The following ESRP1 variants were observed in gnomAD, a reference collection of about 807,000 sequenced individuals.
The protein encoded by ESRP1 is epithelial splicing regulatory protein 1.
Under a neutral mutation model 81.7 loss-of-function variants are expected in ESRP1, and 33 were observed. That is an observed-to-expected ratio of 0.40 (90% CI 0.31 to 0.54). ESRP1 has a LOEUF of 0.54. ESRP1 is among the 20% of genes least tolerant of loss of function. The pLI is 0.41. For synonymous variants in ESRP1, 320 were observed against 303.3 expected (o/e 1.06, Z -0.57); for missense variants, 672 against 833.1 (o/e 0.81, Z 2.38).
chr8:94,644,885 AATGT>A (rs1817768377), intron 3 of ESRP1, among the ~76,000 whole-genome samples: 2 of 152,220 alleles, frequency 1.3e-5, no homozygotes, highest in African/African-American at 4.8e-5. Flanking sequence ...CTCTAACATG[AATGT>A]ATTTGGATAT....
At chr8:94,643,609 A>G (rs1817716947) in intron 3 of ESRP1, among the ~76,000 whole-genome samples, 193 bp downstream of exon 3, 1 of 152,246 alleles carries the variant, frequency 6.6e-6, no homozygotes, top group Non-Finnish European at 1.5e-5. Context: ...GTTGCAAAAT[A>G]TGTTAATGTA....
At chr8:94,656,527 G>A (rs1265130734) in intron 4 of ESRP1, among the ~76,000 whole-genome samples, 1 of 152,126 alleles carries the variant, frequency 6.6e-6, no homozygotes, top group Non-Finnish European at 1.5e-5. Context: ...GGCCCATAAA[G>A]GTAACTCTTT....
chr8:94,641,719 G>C (rs140932911), intron 1 of ESRP1: 34 of 684,086 alleles, frequency 5.0e-5, no homozygotes, highest in Non-Finnish European at 7.3e-5. Context: ...GCTCCGCCGA[G>C]ACGAGGTGGG....
At chr8:94,643,230 C>T (rs1165018962) in intron 2 of ESRP1, 73 bp from the exon 3 acceptor site, 6 of 1,057,736 alleles carry the variant, frequency 5.7e-6, no homozygotes, top group Non-Finnish European at 8.7e-6. Flanking sequence ...CTGGCTATCA[C>T]CAAGGGGAGC....
intron 4 of ESRP1, among the ~76,000 whole-genome samples, chr8:94,656,883 T>C (rs751093066): frequency 2.6e-5 from 4 of 152,254 alleles, no homozygotes; most frequent in Non-Finnish European, 5.9e-5. Flanking sequence ...AAAAATTGGA[T>C]GTTCTGAAAC....
chr8:94,670,798 C>A (rs1319911501), intron 10 of ESRP1, among the ~76,000 whole-genome samples: 4 of 152,210 alleles, frequency 2.6e-5, no homozygotes, highest in African/African-American at 9.6e-5. Context: ...TTTTGTCTTA[C>A]CACTGTCTCA....
At chr8:94,646,741 A>G (rs1486297227) in intron 4 of ESRP1, among the ~76,000 whole-genome samples, 1 of 152,236 alleles carries the variant, frequency 6.6e-6, no homozygotes, top group African/African-American at 2.4e-5. Flanking sequence ...TGAGTTTTTC[A>G]AATACAAGAT....
chr8:94,706,153 T>C lies in ESRP1; in HGVS notation c.*264T>C, dbSNP rs1810064498. 1.9e-6 allele frequency: 1 copy of C among 528,048 alleles called. No homozygotes were observed. The allele number at this position is 528,048 out of a possible 1,614,324, so 32.7% of individuals were successfully genotyped here. ...TACCTGGCTCTTTGCTGATTGCAAA[T>C]AGGCATTTAAAATGTGAATTTGGAA... On this transcript the variant is annotated 3_prime_UTR_variant, in exon 16 of 16. Coordinates refer to ENST00000433389, the MANE Select transcript of ESRP1 (RefSeq NM_017697.4).
At position 94,641,405 on chromosome 8, in the gene ESRP1, G is replaced by A; in HGVS notation, c.87G>A (p.Glu29=). 6.2e-7 allele frequency: 1 copy of A among 1,613,988 alleles called. No homozygotes were observed. ...CCAAGCTAGGCTCGGATGAGAAGGAGTTGATCCTGCTGTTCTGGAAAGTCG... is the reference window on the plus strand; with the variant it reads ...CCAAGCTAGGCTCGGATGAGAAGGAATTGATCCTGCTGTTCTGGAAAGTCG... The part of the protein sequence containing the change: ...TGAKLGSDEK[E]LILLFWKVVD... The change falls in exon 1 of 16, where the codon GAG becomes GAA. Residue 29 remains glutamate (E), a synonymous_variant. Transcript: ENST00000433389.
chr8:94,657,468 T>TGC (rs1322119976), intron 4 of ESRP1, among the ~76,000 whole-genome samples: 1 of 101,156 alleles, frequency 9.9e-6, no homozygotes, highest in Non-Finnish European at 2.1e-5. Flanking sequence ...ATTGAGGCTG[T>TGC]GTGCGTGTGT....
chr8:94,682,653 C>T (rs879818155), intron 13 of ESRP1, among the ~76,000 whole-genome samples: 46,977 of 151,336 alleles, frequency 0.31, 8,707 homozygotes, highest in East Asian at 0.56. Context: ...AGGTGTGAGC[C>T]ACCATGCCCA....
At chr8:94,691,701 AT>A (rs1163132851) in intron 13 of ESRP1, among the ~76,000 whole-genome samples, 9 of 152,192 alleles carry the variant, frequency 5.9e-5, no homozygotes, top group African/African-American at 2.2e-4. Context: ...AGTCCCTTCT[AT>A]TATGTGTTTA....
chr8:94,647,422 G>A (rs1469758907), intron 4 of ESRP1, among the ~76,000 whole-genome samples: 1 of 152,192 alleles, frequency 6.6e-6, no homozygotes, highest in African/African-American at 2.4e-5. Flanking sequence ...AGACCACGGA[G>A]CTTAAACAAA....
chr8:94,682,932 ATTTT>A (rs869078492), intron 13 of ESRP1, among the ~76,000 whole-genome samples: 366 of 18,046 alleles, frequency 0.02, 5 homozygotes, highest in Non-Finnish European at 0.024. Flanking sequence ...ATATATATAT[ATTTT>A]TTTTTTTTTT....
intron 10 of ESRP1, among the ~76,000 whole-genome samples, chr8:94,670,883 C>T (rs772341361): frequency 6.6e-6 from 1 of 152,178 alleles, no homozygotes; most frequent in Non-Finnish European, 1.5e-5. Context: ...TATACCCACC[C>T]ATTCTGTCTT....
At chr8:94,667,304 A>T (rs1298633116) in intron 9 of ESRP1, among the ~76,000 whole-genome samples, 2 of 152,090 alleles carry the variant, frequency 1.3e-5, no homozygotes, top group Non-Finnish European at 2.9e-5. Context: ...TATGCATTTA[A>T]GTATTTGCTA....
Position 94,647,667 on chromosome 8 carries a change from T to C in ESRP1, c.490+1385T>C, listed in dbSNP as rs562425574. ...AAGACCCTCTCTCCAGATAGTTACA[T>C]TGGGGGTTGGGCTTCAACATAGGAC... On this transcript the variant is annotated intron_variant, in intron 4 of 15. Coordinates refer to ENST00000433389, the MANE Select transcript of ESRP1 (RefSeq NM_017697.4). Among the ~76,000 whole-genome samples, 194 of 152,248 alleles carry C rather than the reference T, an allele frequency of 1.3e-3. 1 individual carries two copies. The highest frequency in any genetic ancestry group is 2.4e-3 in the Non-Finnish European group (161 of 67,996).
At chr8:94,696,817 T>C in intron 14 of ESRP1, 35 bp from the exon 15 acceptor site, 2 of 1,472,892 alleles carry the variant, frequency 1.4e-6, no homozygotes, top group Non-Finnish European at 1.8e-6. Context: ...AGTTTGTCCG[T>C]CTTTTGATCT....
At chr8:94,671,122 C>T (rs554906958) in intron 10 of ESRP1, among the ~76,000 whole-genome samples, 1 of 152,294 alleles carries the variant, frequency 6.6e-6, no homozygotes, top group Admixed American at 6.5e-5. Flanking sequence ...GATAATATCC[C>T]TCACAGATAG....
Sources: gnomAD v4.1 joint callset for allele counts (sites outside exome capture counted in the v4.1 genomes callset) on GRCh38, gnomAD v4.1.1 for gene constraint, MANE v1.5 for transcripts, NCBI Gene and HGNC (gene_info 2026-07-23, HGNC 2026-07-21) for gene names.